Variants in SBF2 observed in about 807,000 individuals in gnomAD.
SBF2 encodes the protein SET binding factor 2.
A neutral mutation model predicts 225.2 loss-of-function variants in SBF2; 112 were observed. The ratio of observed to expected loss-of-function variants is 0.50; its 90% CI spans 0.43 to 0.58. The LOEUF (loss-of-function observed/expected upper bound fraction) is 0.58. Ranked by LOEUF, SBF2 falls within the 20% of genes least tolerant of loss-of-function variation. SBF2 has a pLI of 0.00. For synonymous variants in SBF2, 763 were observed against 773.3 expected (o/e 0.99, Z 0.22); for missense variants, 1,996 against 2,206.2 (o/e 0.90, Z 1.91).
chr11:10,105,027 T>C (rs1952487857), intron 2 of SBF2, among the ~76,000 whole-genome samples: 1 of 152,230 alleles, frequency 6.6e-6, no homozygotes, highest in Non-Finnish European at 1.5e-5. Flanking sequence ...TCATCTTCAC[T>C]GGGAACACTG....
chr11:10,180,474 C>A (rs1956694116), intron 2 of SBF2, among the ~76,000 whole-genome samples: 1 of 152,122 alleles, frequency 6.6e-6, no homozygotes, highest in African/African-American at 2.4e-5. Flanking sequence ...TTATTTCTTT[C>A]TTTTCTCTGG....
intron 32 of SBF2, among the ~76,000 whole-genome samples, chr11:9,804,082 T>C (rs1299130905): frequency 1.3e-5 from 2 of 152,172 alleles, no homozygotes; most frequent in Admixed American, 6.5e-5. Flanking sequence ...CCACCCCATG[T>C]AGTCATATGA....
At chr11:9,943,908 G>A (rs1395849577) in intron 16 of SBF2, among the ~76,000 whole-genome samples, 1 of 152,154 alleles carries the variant, frequency 6.6e-6, no homozygotes, top group East Asian at 1.9e-4. Context: ...TTGCACAAGT[G>A]CATCAGGAGA....
At chr11:10,228,117 CTGTT>C (rs568645819) in intron 1 of SBF2, among the ~76,000 whole-genome samples, 8,041 of 151,770 alleles carry the variant, frequency 0.053, 279 homozygotes, top group Middle Eastern at 0.12. Context: ...ATTTGGCTCT[CTGTT>C]TGTCTGTTAT....
chr11:10,135,616 T>C (rs1954309951), intron 2 of SBF2, among the ~76,000 whole-genome samples: 1 of 152,160 alleles, frequency 6.6e-6, no homozygotes. Context: ...GTTCCACAAA[T>C]CTCTAGGGCA....
intron 16 of SBF2, among the ~76,000 whole-genome samples, chr11:9,900,959 T>G (rs1031816161): frequency 1.3e-5 from 2 of 152,158 alleles, no homozygotes; most frequent in African/African-American, 2.4e-5. Flanking sequence ...AAGCTGGTCT[T>G]GGACTCCTGC....
At chr11:9,789,922 A>AT (rs1471612648) in intron 34 of SBF2, among the ~76,000 whole-genome samples, 1 of 152,236 alleles carries the variant, frequency 6.6e-6, no homozygotes, top group Non-Finnish European at 1.5e-5. Flanking sequence ...GCATCTAAGC[A>AT]TGTACCTTTG....
chr11:10,115,185 T>C (rs934725043), intron 2 of SBF2, among the ~76,000 whole-genome samples: 1 of 152,218 alleles, frequency 6.6e-6, no homozygotes, highest in Non-Finnish European at 1.5e-5. Flanking sequence ...TAGATGTTTT[T>C]CTCTGAACAA....
chr11:9,902,802 C>T (rs139419082), intron 16 of SBF2, among the ~76,000 whole-genome samples: 1 of 152,110 alleles, frequency 6.6e-6, no homozygotes, highest in Non-Finnish European at 1.5e-5. Flanking sequence ...ACCATGGTAG[C>T]ATAGACTTTC....
At chr11:10,284,286 T>C (rs1011135366) in intron 1 of SBF2, among the ~76,000 whole-genome samples, 1 of 152,222 alleles carries the variant, frequency 6.6e-6, no homozygotes, top group African/African-American at 2.4e-5. Context: ...GTTGTATGTG[T>C]GTATTTAGTT....
intron 29 of SBF2, among the ~76,000 whole-genome samples, chr11:9,816,374 A>G (rs1854458375): frequency 6.6e-6 from 1 of 152,138 alleles, no homozygotes; most frequent in Non-Finnish European, 1.5e-5. Context: ...GAAAACCTAG[A>G]CTTGGCCTTG....
chr11:9,902,624 C>G (rs1001025335), intron 16 of SBF2, among the ~76,000 whole-genome samples: 3 of 152,170 alleles, frequency 2.0e-5, no homozygotes, highest in African/African-American at 4.8e-5. Context: ...ATCCTGGGAT[C>G]TCTAAAGCCA....
intron 16 of SBF2, among the ~76,000 whole-genome samples, chr11:9,898,579 G>A (rs1861463143): frequency 6.6e-6 from 1 of 152,150 alleles, no homozygotes; most frequent in Admixed American, 6.5e-5. Flanking sequence ...GCTGAGGCAG[G>A]AGAATCGCTT....
At chr11:9,861,935 G>C (rs1029829302) in intron 17 of SBF2, among the ~76,000 whole-genome samples, 1 of 152,120 alleles carries the variant, frequency 6.6e-6, no homozygotes. Flanking sequence ...GAAGAAAAAC[G>C]GTGCAAGACA....
At chr11:9,837,553 G>A (rs544025640) in intron 26 of SBF2, among the ~76,000 whole-genome samples, 63 of 152,264 alleles carry the variant, frequency 4.1e-4, no homozygotes, top group African/African-American at 1.4e-3. Flanking sequence ...TTAATGAATT[G>A]CTGTGTGTAA....
rs772958704 is a variant in SBF2, at chr11:9,847,123, A to G, written c.2807-40T>C. The G allele has an allele frequency of 2.5e-6, 4 of 1,612,850 alleles. No individual in the cohort carries two copies. The East Asian group carries it at 8.9e-5, about 36-fold the overall frequency. Reference sequence around the variant, plus strand: ...GACACAGCTTCAGCAACAACACTTTATAGCTCACTTTTAGAGTGTCTACTG... The same window carrying G: ...GACACAGCTTCAGCAACAACACTTTGTAGCTCACTTTTAGAGTGTCTACTG... On this transcript the variant is annotated intron_variant, in intron 22 of 39. Transcript: ENST00000256190.
intron 13 of SBF2, among the ~76,000 whole-genome samples, chr11:9,979,985 AT>A (rs530210466): frequency 0.041 from 5,937 of 145,510 alleles, 143 homozygotes; most frequent in Middle Eastern, 0.12. Flanking sequence ...ACCACATGTA[AT>A]TTTTTTTTTT....
chr11:9,795,720 T>A, intron 33 of SBF2, 111 bp downstream of exon 33: 1 of 1,354,066 alleles, frequency 7.4e-7, no homozygotes. Flanking sequence ...TAGTTCAGAG[T>A]TAAACCTTAA....
chr11:10,122,574 T>TA lies in SBF2; in HGVS notation c.141+71327dup, dbSNP rs1953524230. ...AAAAGTAGGCCAAACAAGCAAACTA[T>TA]AAAAAACTAAAATTAGATATCACAA... On this transcript the variant is annotated intron_variant, in intron 2 of 39. Coordinates refer to ENST00000256190, the MANE Select transcript of SBF2 (RefSeq NM_030962.4). Among the ~76,000 whole-genome samples the TA allele has an allele frequency of 3.3e-5, 5 of 152,314 alleles. No homozygotes were observed. The South Asian group carries it at 1.0e-3, about 32-fold the overall frequency.
Sources: allele counts gnomAD v4.1 joint callset (sites outside exome capture counted in the v4.1 genomes callset), GRCh38; gene constraint gnomAD v4.1.1; transcripts MANE v1.5; gene names NCBI Gene and HGNC (gene_info 2026-07-23, HGNC 2026-07-21).